The following SEMA6D variants were observed in gnomAD, a reference collection of about 807,000 sequenced individuals.
The protein encoded by SEMA6D is semaphorin-6D.
SEMA6D carries 35 observed loss-of-function variants against 106.6 expected under a neutral mutation model. The observed-to-expected ratio is 0.33, with a 90% CI of 0.25 to 0.44. The LOEUF is 0.44. Among genes scored for constraint, SEMA6D ranks in the 20% least tolerant of loss-of-function variants. The pLI is 1.00. For synonymous variants in SEMA6D, 499 were observed against 487.7 expected, an observed-to-expected ratio of 1.02 and a Z score of -0.31; for missense variants, 1,185 against 1,345.9, an observed-to-expected ratio of 0.88 and a Z score of 1.87.
intron 4 of SEMA6D, among the ~76,000 whole-genome samples, chr15:47,675,526 C>T (rs931159228): frequency 6.6e-6 from 1 of 152,118 alleles, no homozygotes; most frequent in Non-Finnish European, 1.5e-5. Flanking sequence ...TGTGGGACTT[C>T]CAGCCTCCAG....
chr15:47,287,237 C>T (rs1226656058), intron 1 of SEMA6D, among the ~76,000 whole-genome samples: 1 of 152,110 alleles, frequency 6.6e-6, no homozygotes, highest in Admixed American at 6.6e-5. Flanking sequence ...GGAAGAGCTC[C>T]CCAACCTGCA....
rs149089989 is a variant in SEMA6D, at chr15:47,573,993, C to T, written c.-86-26872C>T. Among the ~76,000 whole-genome samples the T allele has an allele frequency of 9.9e-3, 1,510 of 152,310 alleles. 10 individuals carry two copies. Among genetic ancestry groups the T allele is most frequent in the Admixed American group, 0.021 (319 of 15,300 alleles). The stretch of plus-strand genomic sequence containing the variant: ...AAAGCCAGTCTACCCTGGGCTGTTC[C>T]TTCCACAAGACTTTGATTTCCCACA... On this transcript the variant is annotated intron_variant, in intron 3 of 19. Coordinates refer to the SEMA6D transcript ENST00000558014.
In SEMA6D at chr15:47,540,174, G is replaced by T. The variant is rs1010179849; in HGVS notation, c.-86-60691G>T. On this transcript the variant is annotated intron_variant, in intron 3 of 19. Transcript: ENST00000558014. ...ACTGTGAACACTTAATTAATTTAGAGTAGGTGCTGATTCTTAATAAGAACT... is the reference window on the plus strand; with the variant it reads ...ACTGTGAACACTTAATTAATTTAGATTAGGTGCTGATTCTTAATAAGAACT... 3.3e-5 allele frequency among the ~76,000 whole-genome samples: 5 copies of T among 152,096 alleles called. No homozygotes were observed. In the South Asian group the frequency reaches 1.0e-3, roughly 31 times the overall value.
chr15:47,257,969 T>G (rs1734596080), intron 1 of SEMA6D, among the ~76,000 whole-genome samples: 2 of 152,342 alleles, frequency 1.3e-5, no homozygotes, highest in South Asian at 2.1e-4. Context: ...CATTGTATTT[T>G]TATTGATTAA....
At chr15:47,611,524 A>C (rs1282131163) in intron 4 of SEMA6D, among the ~76,000 whole-genome samples, 1 of 152,226 alleles carries the variant, frequency 6.6e-6, no homozygotes. Context: ...CAAAGTACAC[A>C]AAATATACTT....
At chr15:47,750,239 A>G (rs889947655) in intron 1 of SEMA6D, among the ~76,000 whole-genome samples, 2 of 152,170 alleles carry the variant, frequency 1.3e-5, no homozygotes, top group African/African-American at 2.4e-5. Flanking sequence ...TTGAGGAGAA[A>G]GAGCCTGGAG....
chr15:47,746,984 G>GTGTATATATATATATA (rs1401767590), intron 1 of SEMA6D, among the ~76,000 whole-genome samples: 4 of 122,106 alleles, frequency 3.3e-5, no homozygotes, highest in South Asian at 2.8e-4. Flanking sequence ...GTGTGTGTGT[G>GTGTATATATATATATA]TATATATATA....
At chr15:47,588,099 A>C (rs2076375680) in intron 3 of SEMA6D, among the ~76,000 whole-genome samples, 1 of 152,122 alleles carries the variant, frequency 6.6e-6, no homozygotes, top group African/African-American at 2.4e-5. Context: ...GCCTTTTCTC[A>C]CTGGCTCCCT....
intron 1 of SEMA6D, among the ~76,000 whole-genome samples, chr15:47,407,427 C>G (rs145427686): frequency 1.1e-5 from 1 of 87,018 alleles, no homozygotes; most frequent in African/African-American, 3.9e-5. Context: ...ACAAAAAAAA[C>G]AAACAAAAAT....
chr15:47,206,607 C>T (rs1433832060), intron 1 of SEMA6D, among the ~76,000 whole-genome samples: 1 of 152,072 alleles, frequency 6.6e-6, no homozygotes, highest in East Asian at 1.9e-4. Flanking sequence ...AAAACAGTAG[C>T]TTCCATCCTA....
chr15:47,712,599 A>G, upstream of SEMA6D, among the ~76,000 whole-genome samples: 1 of 152,230 alleles, frequency 6.6e-6, no homozygotes, highest in Non-Finnish European at 1.5e-5. Flanking sequence ...AATAATAATA[A>G]TATTAGGTGG....
intron 1 of SEMA6D, among the ~76,000 whole-genome samples, chr15:47,392,377 G>T (rs1197877189): frequency 2.0e-5 from 3 of 152,174 alleles, no homozygotes; most frequent in Admixed American, 2.0e-4. Context: ...CCTGAGGTAG[G>T]GAGATGATCC....
intron 1 of SEMA6D, among the ~76,000 whole-genome samples, chr15:47,409,738 G>A (rs1260309225): frequency 6.6e-6 from 1 of 152,108 alleles, no homozygotes; most frequent in Non-Finnish European, 1.5e-5. Context: ...GTTAAGACCA[G>A]TATCCTCAGA....
At chr15:47,532,900 T>A (rs879309721) in intron 3 of SEMA6D, among the ~76,000 whole-genome samples, 1 of 152,192 alleles carries the variant, frequency 6.6e-6, no homozygotes, top group Non-Finnish European at 1.5e-5. Flanking sequence ...AAGAGAAGTG[T>A]ATACCACCCA....
At chr15:47,484,007 C>A (rs1447740913) in intron 3 of SEMA6D, among the ~76,000 whole-genome samples, 2 of 152,126 alleles carry the variant, frequency 1.3e-5, no homozygotes, top group African/African-American at 4.8e-5. Context: ...AAGAGCACTT[C>A]ATGTTGAACC....
At chr15:47,528,359 A>AT (rs748385442) in intron 3 of SEMA6D, among the ~76,000 whole-genome samples, 22 of 152,122 alleles carry the variant, frequency 1.4e-4, no homozygotes, top group East Asian at 5.8e-4. Context: ...TGATTGTCCA[A>AT]TTTTTTTTAA....
chr15:47,308,157 TA>T (rs1454329413), intron 1 of SEMA6D, among the ~76,000 whole-genome samples: 1 of 152,136 alleles, frequency 6.6e-6, no homozygotes, highest in Non-Finnish European at 1.5e-5. Flanking sequence ...TTCCAATATT[TA>T]AGTAGTGGCC....
intron 1 of SEMA6D, among the ~76,000 whole-genome samples, chr15:47,344,171 T>C (rs1158030566): frequency 6.9e-6 from 1 of 145,024 alleles, no homozygotes; most frequent in Non-Finnish European, 1.5e-5. Context: ...GAAGTCGGTG[T>C]GGCGATTCCT....
intron 3 of SEMA6D, among the ~76,000 whole-genome samples, chr15:47,594,799 G>T (rs1286173317): frequency 2.6e-5 from 4 of 152,192 alleles, no homozygotes; most frequent in Admixed American, 1.3e-4. Context: ...ATTGAGAAAG[G>T]CTCCATAGAA....
Sources: gnomAD v4.1 joint callset for allele counts (sites outside exome capture counted in the v4.1 genomes callset) on GRCh38, gnomAD v4.1.1 for gene constraint, MANE v1.5 for transcripts, NCBI Gene and HGNC (gene_info 2026-07-23, HGNC 2026-07-21) for gene names.